The following OPN4 variants were observed in gnomAD, a reference collection of about 807,000 sequenced individuals.
OPN4 encodes melanopsin.
OPN4 carries 43 observed loss-of-function variants against 49.5 expected under a neutral mutation model. The observed-to-expected ratio is 0.87, with a 90% CI of 0.68 to 1.12. The LOEUF (loss-of-function observed/expected upper bound fraction) is 1.12. OPN4 is among the 50% of genes most tolerant of loss of function. The pLI is 0.00. For missense variants in OPN4, 657 were observed against 643.9 expected (o/e 1.02, Z -0.22); for synonymous variants, 263 against 258.0 (o/e 1.02, Z -0.19).
In OPN4 at chr10:86,660,084, G is replaced by A. The variant is rs757265396; in HGVS notation, c.965+25G>A. On this transcript the variant is annotated intron_variant, in intron 6 of 9. Coordinates refer to ENST00000241891, the MANE Select transcript of OPN4 (RefSeq NM_033282.4). ...GGTAAGCAGTGGCTAAAGGGTTGGG[G>A]AAGAGGCTGAAGGTGTGGGGGCAGG... The A allele has an allele frequency of 3.1e-6, 5 of 1,613,050 alleles. No homozygotes were observed. In the South Asian group the frequency reaches 3.3e-5, roughly 11 times the overall value.
chr10:86,654,991 GC>G, intron 1 of OPN4, 64 bp downstream of exon 1: 1 of 1,525,592 alleles, frequency 6.6e-7, no homozygotes, highest in Non-Finnish European at 9.0e-7. Flanking sequence ...TCCCCTCCTG[GC>G]CACACACAGG....
At position 86,665,852 on chromosome 10, in the gene OPN4, G is replaced by A; in HGVS notation, c.*101G>A. Reference sequence around the variant, plus strand: ...ATTATGCTGTGAGCCTGCAGGCTTTGGAAGTGGCCCTGTCACCCGTGCTGC... The same window carrying A: ...ATTATGCTGTGAGCCTGCAGGCTTTAGAAGTGGCCCTGTCACCCGTGCTGC... On this transcript the variant is annotated 3_prime_UTR_variant, in exon 10 of 10. Transcript: ENST00000241891. 1.0e-6 allele frequency: 1 copy of A among 979,510 alleles called. No homozygotes were observed. The highest frequency in any genetic ancestry group is 1.6e-6 in the Non-Finnish European group (1 of 630,986). 60.7% of individuals were successfully genotyped at this position (979,510 alleles called of 1,614,324 possible).
At chr10:86,656,558 G>T (rs1014602279) in intron 2 of OPN4, among the ~76,000 whole-genome samples, 8 of 152,158 alleles carry the variant, frequency 5.3e-5, no homozygotes, top group African/African-American at 1.9e-4. Context: ...GAGGGTGTGT[G>T]TGCCCAGAGT....
chr10:86,654,817 A>AC lies in OPN4; in HGVS notation c.34_35insC (p.Ser12ThrfsTer53). On this transcript the variant is annotated frameshift_variant, in exon 1 of 10. Transcript: ENST00000241891. LOFTEE classifies it high-confidence loss of function. ...TCCTTCGGGGCCAAGAGTCCCGCCCAGCCCAACCCAAGAGCCCAGCTGCAT... is the reference window on the plus strand; with the variant it reads ...TCCTTCGGGGCCAAGAGTCCCGCCCACGCCCAACCCAAGAGCCCAGCTGCAT... The AC allele has an allele frequency of 2.6e-6, 3 of 1,163,416 alleles. No homozygotes were observed. The highest frequency in any genetic ancestry group is 2.5e-6 in the Non-Finnish European group (2 of 807,738). The allele number at this position is 1,163,416 out of a possible 1,614,324, so 72.1% of individuals were successfully genotyped here.
In OPN4 at chr10:86,659,884, G is replaced by A. The variant is rs3740335; in HGVS notation, c.801-11G>A. 256,393 of 1,613,470 alleles carry A rather than the reference G, an allele frequency of 0.16. 23,987 individuals carry two copies. The highest frequency in any genetic ancestry group is 0.48 in the East Asian group (21,335 of 44,858). On this transcript the variant is annotated splice_polypyrimidine_tract_variant and intron_variant, in intron 5 of 9. Coordinates refer to ENST00000241891, the MANE Select transcript of OPN4 (RefSeq NM_033282.4). ...GACTAGGGTCAGACCTGGACGATGC[G>A]TCCTTCCTAGGGCTCTCCAGACCTT... is the stretch of plus-strand genomic sequence containing the variant.
At chr10:86,663,498 T>C (rs1844066893) in intron 8 of OPN4, among the ~76,000 whole-genome samples, 161 bp from the exon 9 acceptor site, 1 of 152,194 alleles carries the variant, frequency 6.6e-6, no homozygotes, top group Admixed American at 6.5e-5. Context: ...ATGCACAATT[T>C]ACGGGGTTTA....
chr10:86,658,639 G>T lies in OPN4; in HGVS notation c.580G>T (p.Val194Phe), dbSNP rs368062538. 16 of 1,613,998 alleles carry T rather than the reference G, an allele frequency of 9.9e-6. No individual in the cohort carries two copies. Among genetic ancestry groups the T allele is most frequent in the Non-Finnish European group, 1.3e-5 (15 of 1,180,044 alleles). The change falls in exon 4 of 10, where the codon GTT (valine) becomes TTT (phenylalanine). Residue 194 changes from valine to phenylalanine, a missense_variant. Val to Phe is a conservative substitution (Grantham distance 50). Transcript: ENST00000241891. Reference sequence around the variant, plus strand: ...GCGTGCGGCATTTGTCCTGCTGGGCGTTTGGCTCTATGCCCTGGCCTGGAG... The same window carrying T: ...GCGTGCGGCATTTGTCCTGCTGGGCTTTTGGCTCTATGCCCTGGCCTGGAG... ...KRRAAFVLLG[V>F]WLYALAWSLP... is the part of the protein sequence containing the mutation.
At position 86,661,376 on chromosome 10, in the gene OPN4, A is replaced by C. The variant is rs1224477650; in HGVS notation, c.1061A>C (p.His354Pro). Residue 354 changes from histidine to proline, a missense_variant, in exon 7 of 10, where the codon CAC becomes CCC. Physicochemically the swap from His to Pro is moderately conservative, Grantham distance 77. Coordinates refer to ENST00000241891, the MANE Select transcript of OPN4 (RefSeq NM_033282.4). ...IHNPIIYAIT[H>P]PKYRVAIAQH... The stretch of plus-strand genomic sequence containing the variant: ...AACCCCATCATTTACGCCATCACCC[A>C]CCCCAAGTACAGGTGTGGCTCTTTT... 6.2e-7 allele frequency: 1 copy of C among 1,612,934 alleles called. No homozygotes were observed. Among genetic ancestry groups the C allele is most frequent in the African/African-American group, 1.3e-5 (1 of 74,856 alleles).
chr10:86,661,124 A>AC (rs982652448), intron 6 of OPN4, among the ~76,000 whole-genome samples, 157 bp from the exon 7 acceptor site: 25 of 152,016 alleles, frequency 1.6e-4, no homozygotes, highest in African/African-American at 5.5e-4. Context: ...CAAAAAAAAA[A>AC]AAATTATCCT....
At chr10:86,661,231 G>A (rs1843996954) in intron 6 of OPN4, 50 bp from the exon 7 acceptor site, 1 of 1,441,096 alleles carries the variant, frequency 6.9e-7, no homozygotes, top group East Asian at 2.3e-5. Flanking sequence ...AGAAGAGAAG[G>A]TGTGTCAGGA....
intron 8 of OPN4, among the ~76,000 whole-genome samples, chr10:86,662,934 G>A (rs1177406184): frequency 1.3e-5 from 2 of 152,242 alleles, no homozygotes; most frequent in East Asian, 3.9e-4. Flanking sequence ...CTCACTGTGG[G>A]AGCCTGGGCA....
At chr10:86,660,205 T>A in intron 6 of OPN4, 146 bp downstream of exon 6, 1 of 940,322 alleles carries the variant, frequency 1.1e-6, no homozygotes, top group Non-Finnish European at 1.6e-6. Flanking sequence ...TCTCCCTGGG[T>A]AAGGTGCCCA....
At position 86,659,333 on chromosome 10, in the gene OPN4, C is replaced by T. The variant is rs745384546; in HGVS notation, c.665C>T (p.Ser222Phe). 1.9e-6 allele frequency: 3 copies of T among 1,613,560 alleles called. No individual in the cohort carries two copies. The highest frequency in any genetic ancestry group is 2.2e-5 in the East Asian group (1 of 44,896). The change falls in exon 5 of 10, where the codon TCC becomes TTC. Residue 222 changes from serine (S) to phenylalanine (F), a missense_variant. Coordinates refer to ENST00000241891, the MANE Select transcript of OPN4 (RefSeq NM_033282.4). ...YVPEGLLTSC[S>F]WDYMSFTPAV... is the part of the protein sequence containing the mutation. The stretch of plus-strand genomic sequence containing the variant: ...CCCGAGGGGTTGCTGACATCCTGCT[C>T]CTGGGACTACATGAGCTTCACGCCG...
At chr10:86,660,800 C>A (rs1344752022) in intron 6 of OPN4, among the ~76,000 whole-genome samples, 1 of 152,114 alleles carries the variant, frequency 6.6e-6, no homozygotes, top group Non-Finnish European at 1.5e-5. Context: ...CCTCAACCAC[C>A]CACTGCTCCC....
At chr10:86,656,112 A>G in intron 1 of OPN4, 43 bp from the exon 2 acceptor site, 1 of 1,613,616 alleles carries the variant, frequency 6.2e-7, no homozygotes, top group Non-Finnish European at 8.5e-7. Context: ...TTTGAAGGTG[A>G]CAAGCGATAA....
In OPN4 at chr10:86,658,644, G is replaced by T; in HGVS notation, c.585G>T (p.Trp195Cys). The T allele has an allele frequency of 6.2e-7, 1 of 1,613,872 alleles. No homozygotes were observed. The highest frequency in any genetic ancestry group is 8.5e-7 in the Non-Finnish European group (1 of 1,180,042). ...RRAAFVLLGV[W>C]LYALAWSLPP... ...CGGCATTTGTCCTGCTGGGCGTTTG[G>T]CTCTATGCCCTGGCCTGGAGTCTGC... The change falls in exon 4 of 10, where the codon TGG becomes TGT. Residue 195 changes from tryptophan (W) to cysteine (C), a missense_variant. By Grantham distance (215) the Trp-to-Cys change is radical (BLOSUM62 -2). Coordinates refer to ENST00000241891, the MANE Select transcript of OPN4 (RefSeq NM_033282.4).
intron 9 of OPN4, among the ~76,000 whole-genome samples, chr10:86,665,054 C>T (rs1240390439): frequency 6.6e-6 from 1 of 152,144 alleles, no homozygotes; most frequent in East Asian, 1.9e-4. Flanking sequence ...GGGGGGAGCA[C>T]TGAGCTGTCC....
In OPN4 at chr10:86,654,668, C is replaced by A; in HGVS notation, c.-116C>A. The A allele has an allele frequency of 7.0e-7, 1 of 1,419,422 alleles. No homozygotes were observed. The highest frequency in any genetic ancestry group is 9.6e-7 in the Non-Finnish European group (1 of 1,042,634). The allele number at this position is 1,419,422 out of a possible 1,614,324, so 87.9% of individuals were successfully genotyped here. A position where few individuals can be genotyped will look rare whatever the true frequency, so the allele number is the denominator to read the frequency against. ...GACACAGGAGAAAGCAGCGGGTAGG[C>A]TAAGCAGGGGTGCTGAGGATGGAGG... is the stretch of plus-strand genomic sequence containing the variant. On this transcript the variant is annotated 5_prime_UTR_variant, in exon 1 of 10. Transcript: ENST00000241891.
rs1407311080 is a variant in OPN4, at chr10:86,665,974, AC to A, written c.*226del. On this transcript the variant is annotated 3_prime_UTR_variant, in exon 10 of 10. Coordinates refer to ENST00000241891, the MANE Select transcript of OPN4 (RefSeq NM_033282.4). Reference sequence around the variant, plus strand: ...ATCCACTTTCCAGCTCAGCAGCCGCACCCGAGGCTCAGCCTGAGGGGTATGT... The same window carrying A: ...ATCCACTTTCCAGCTCAGCAGCCGCACCGAGGCTCAGCCTGAGGGGTATGT... The A allele has an allele frequency of 1.8e-6, 1 of 565,540 alleles. No individual in the cohort carries two copies. The highest frequency in any genetic ancestry group is 1.9e-5 in the African/African-American group (1 of 52,922). The allele number at this position is 565,540 out of a possible 1,614,324, so 35.0% of individuals were successfully genotyped here. A position where few individuals can be genotyped will look rare whatever the true frequency, so the allele number is the denominator to read the frequency against.
Sources: allele counts gnomAD v4.1 joint callset (sites outside exome capture counted in the v4.1 genomes callset), GRCh38; gene constraint gnomAD v4.1.1; transcripts MANE v1.5; gene names NCBI Gene and HGNC (gene_info 2026-07-23, HGNC 2026-07-21).